Variants in MYH15 observed in about 807,000 individuals in gnomAD.
MYH15 encodes myosin heavy chain 15, also known as myosin-15.
Under a neutral mutation model 240.5 loss-of-function variants are expected in MYH15, and 227 were observed. The ratio of observed to expected loss-of-function variants is 0.94; its 90% CI spans 0.85 to 1.05. MYH15 has a LOEUF of 1.05. Among genes scored for constraint, MYH15 ranks in the 50% least tolerant of loss-of-function variants. MYH15 has a pLI of 0.00. For missense variants in MYH15, 2,217 were observed against 2,247.5 expected (o/e 0.99, Z 0.27); for synonymous variants, 785 against 796.7 (o/e 0.99, Z 0.25).
chr3:108,543,801 G>A, the MYH15 span: 2 of 152,292 alleles, frequency 1.3e-5, no homozygotes, highest in African/African-American at 4.8e-5. Flanking sequence ...TGGGTCAGCT[G>A]GCTGAACCAA....
chr3:108,464,324 G>A (rs375559133), intron 15 of MYH15, among the ~76,000 whole-genome samples: 2 of 152,034 alleles, frequency 1.3e-5, no homozygotes, highest in Admixed American at 6.5e-5. Flanking sequence ...TTCACACAAC[G>A]TTAAGTTAAA....
intron 1 of MYH15, among the ~76,000 whole-genome samples, chr3:108,509,701 G>A (rs145419883): frequency 5.0e-4 from 76 of 152,258 alleles, no homozygotes; most frequent in African/African-American, 1.6e-3. Context: ...ATATCATACT[G>A]TGAATCTGAT....
At chr3:108,492,934 A>T (rs2083363267) in intron 8 of MYH15, among the ~76,000 whole-genome samples, 180 bp downstream of exon 8, 1 of 151,894 alleles carries the variant, frequency 6.6e-6, no homozygotes, top group Non-Finnish European at 1.5e-5. Context: ...TGAACAACAG[A>T]GTAAGACCCT....
the MYH15 span, chr3:108,550,287 A>C: frequency 6.6e-6 from 1 of 151,550 alleles, no homozygotes; most frequent in Non-Finnish European, 1.5e-5. Flanking sequence ...TAGGACAACA[A>C]ATTAAATACA....
At chr3:108,531,553 CA>C (rs2083710400), upstream of MYH15, among the ~76,000 whole-genome samples, 2 of 151,996 alleles carry the variant, frequency 1.3e-5, no homozygotes, top group African/African-American at 4.8e-5. Flanking sequence ...AAAGTAAAGG[CA>C]GATCACGAGG....
chr3:108,491,642 T>C (rs538100069), intron 9 of MYH15, among the ~76,000 whole-genome samples: 2 of 152,210 alleles, frequency 1.3e-5, no homozygotes, highest in East Asian at 3.9e-4. Flanking sequence ...ATCCTGCCCA[T>C]TACCAGCTTA....
intron 5 of MYH15, 93 bp downstream of exon 5, chr3:108,499,362 G>T: frequency 7.9e-7 from 1 of 1,273,862 alleles, no homozygotes. Context: ...ATTCAAAGAT[G>T]GCGAATCAAA....
Position 108,390,916 on chromosome 3 carries a change from AT to A in MYH15, c.5430+843del, listed in dbSNP as rs2082418879. Among the ~76,000 whole-genome samples the A allele has an allele frequency of 2.0e-5, 3 of 152,322 alleles. No homozygotes were observed. The South Asian group carries it at 6.2e-4, about 32-fold the overall frequency. On this transcript the variant is annotated intron_variant, in intron 37 of 40. Transcript: ENST00000693548. The stretch of plus-strand genomic sequence containing the variant: ...CTGTGTTATCCTCTCATAGATAGCC[AT>A]TTTTATTTTTCTGATTTATCCTGTT...
chr3:108,383,564 G>A (rs1317301846), intron 40 of MYH15, 31 bp downstream of exon 40: 4 of 1,606,612 alleles, frequency 2.5e-6, no homozygotes, highest in Admixed American at 3.4e-5. Flanking sequence ...CATGATTAAA[G>A]AGTTAGAACA....
intron 35 of MYH15, among the ~76,000 whole-genome samples, chr3:108,395,263 C>T (rs899801778): frequency 6.6e-6 from 1 of 152,042 alleles, no homozygotes; most frequent in Non-Finnish European, 1.5e-5. Flanking sequence ...AGTGAGACTC[C>T]GTCTCAAAAA....
intron 14 of MYH15, among the ~76,000 whole-genome samples, chr3:108,465,841 C>T (rs1469655066): frequency 2.0e-5 from 3 of 152,056 alleles, no homozygotes; most frequent in African/African-American, 7.2e-5. Flanking sequence ...GCAGGAGAAT[C>T]GCTTGAATCT....
intron 5 of MYH15, among the ~76,000 whole-genome samples, chr3:108,498,400 G>A (rs549241651): frequency 6.6e-6 from 1 of 152,250 alleles, no homozygotes; most frequent in South Asian, 2.1e-4. Flanking sequence ...TAGGAAGCCT[G>A]TTCCTTGTGG....
At chr3:108,502,246 T>G (rs570849105) in intron 2 of MYH15, among the ~76,000 whole-genome samples, 1 of 152,236 alleles carries the variant, frequency 6.6e-6, no homozygotes, top group South Asian at 2.1e-4. Context: ...AGTGGAGGAT[T>G]AAGGAGGCAG....
Position 108,428,479 on chromosome 3 carries a change from TG to T in MYH15, c.3702+12del, listed in dbSNP as rs764882835. The T allele has an allele frequency of 1.3e-6, 2 of 1,595,064 alleles. No individual in the cohort carries two copies. Among genetic ancestry groups the T allele is most frequent in the East Asian group, 2.2e-5 (1 of 44,536 alleles). ...TGTTCAGAAGACCACGAGGATGGCA[TG>T]GGAGTATCTACCTTAGCTCTTGTCA... On this transcript the variant is annotated intron_variant, in intron 27 of 40. Coordinates refer to ENST00000693548, the MANE Select transcript of MYH15 (RefSeq NM_014981.3).
At chr3:108,416,171 T>C (rs138811731) in intron 29 of MYH15, among the ~76,000 whole-genome samples, 23 of 152,312 alleles carry the variant, frequency 1.5e-4, no homozygotes, top group Admixed American at 1.5e-3. Context: ...GGGAATAAAA[T>C]GGTACAATAT....
intron 12 of MYH15, among the ~76,000 whole-genome samples, chr3:108,473,502 C>A (rs59886044): frequency 0.16 from 23,909 of 152,126 alleles, 2,098 homozygotes; most frequent in South Asian, 0.27. Context: ...ACTTTCTCAT[C>A]CTCACCCCAG....
In MYH15 at chr3:108,437,457, A is replaced by G. The variant is rs957996997; in HGVS notation, c.3221+97T>C. The G allele has an allele frequency of 3.1e-5, 45 of 1,440,042 alleles. No individual in the cohort carries two copies. The African/African-American group carries it at 6.3e-4, about 20-fold the overall frequency. The allele number at this position is 1,440,042 out of a possible 1,614,324, so 89.2% of individuals were successfully genotyped here. On this transcript the variant is annotated intron_variant, in intron 25 of 40. Coordinates refer to ENST00000693548, the MANE Select transcript of MYH15 (RefSeq NM_014981.3). ...TTATCCTTGCCTTGGGTCTTGAGCT[A>G]TCTGGCCCTGGAGTCCTAAGGATAA...
intron 15 of MYH15, 124 bp downstream of exon 15, chr3:108,464,514 G>T: frequency 1.0e-6 from 1 of 973,010 alleles, no homozygotes; most frequent in Non-Finnish European, 1.5e-6. Context: ...GTGGAACTGA[G>T]ATGTATTTTG....
At chr3:108,394,180 T>G (rs181434181) in intron 35 of MYH15, 24 bp from the exon 36 acceptor site, 1 of 1,613,188 alleles carries the variant, frequency 6.2e-7, no homozygotes, top group Admixed American at 1.7e-5. Flanking sequence ...GCATTCCTAT[T>G]AGGCAAGTAA....
Sources: gnomAD v4.1 joint callset for allele counts (sites outside exome capture counted in the v4.1 genomes callset) on GRCh38, gnomAD v4.1.1 for gene constraint, MANE v1.5 for transcripts, NCBI Gene and HGNC (gene_info 2026-07-23, HGNC 2026-07-21) for gene names.